PIK3R1: variants seen among roughly 807,000 people sequenced by gnomAD.
The protein encoded by PIK3R1 is phosphoinositide-3-kinase regulatory subunit 1.
PIK3R1 carries 29 observed loss-of-function variants against 98.0 expected under a neutral mutation model. The observed-to-expected ratio is 0.30, with a 90% confidence interval of 0.22 to 0.40. The LOEUF is 0.40. Ranked by LOEUF, PIK3R1 falls within the 10% of genes least tolerant of loss-of-function variation. The pLI, the probability that PIK3R1 is intolerant of heterozygous loss-of-function variation, is 1.00. For synonymous variants in PIK3R1, 282 were observed against 311.8 expected (o/e 0.90, Z 1.01); for missense variants, 596 against 872.7 (o/e 0.68, Z 3.99).
At position 68,262,561 on chromosome 5, in the gene PIK3R1, ATACACATGTACC is replaced by A. The variant is rs1391303301; in HGVS notation, c.335-10824_335-10813del. ...AGATACATATCTAATGTATACATGT[ATACACATGTACC>A]TACATGTATACACATGTATCTGCAT... On this transcript the variant is annotated intron_variant, in intron 2 of 15. Transcript: ENST00000521381. Among the ~76,000 whole-genome samples the A allele has an allele frequency of 2.4e-3, 349 of 147,856 alleles. 10 individuals are homozygous for A. The highest frequency in any genetic ancestry group is 7.2e-3 in the African/African-American group (289 of 40,344).
chr5:68,218,235 T>C (rs554166109), intron 1 of PIK3R1, among the ~76,000 whole-genome samples: 20 of 152,314 alleles, frequency 1.3e-4, no homozygotes, highest in African/African-American at 4.8e-4. Context: ...TGGTATGCGT[T>C]TATCTTTTGG....
intron 8 of PIK3R1, chr5:68,292,626 G>C (rs771997912): frequency 4.8e-5 from 68 of 1,420,162 alleles, no homozygotes; most frequent in Non-Finnish European, 5.9e-5. Flanking sequence ...TAAGAACAGA[G>C]TGTGAAGGCA....
chr5:68,252,664 C>A (rs541326785), intron 2 of PIK3R1, among the ~76,000 whole-genome samples: 53 of 152,176 alleles, frequency 3.5e-4, no homozygotes, highest in African/African-American at 1.3e-3. Flanking sequence ...TAGTAATTTT[C>A]AAGGGATTTA....
At chr5:68,278,144 C>T (rs529240886) in intron 4 of PIK3R1, among the ~76,000 whole-genome samples, 15 of 152,020 alleles carry the variant, frequency 9.9e-5, no homozygotes, top group South Asian at 4.2e-4. Flanking sequence ...GAGTGCCATG[C>T]GTAGTGAGTG....
intron 2 of PIK3R1, among the ~76,000 whole-genome samples, chr5:68,234,523 C>T (rs145506334): frequency 4.2e-4 from 64 of 152,248 alleles, no homozygotes; most frequent in Non-Finnish European, 6.5e-4. Context: ...CAGATGCATG[C>T]GGTGTATGGT....
chr5:68,238,745 G>C (rs979350295), intron 2 of PIK3R1, among the ~76,000 whole-genome samples: 2 of 152,132 alleles, frequency 1.3e-5, no homozygotes, highest in African/African-American at 4.8e-5. Flanking sequence ...AGAATTACAA[G>C]TGTTGATAAA....
chr5:68,235,435 A>C (rs930619824), intron 2 of PIK3R1, among the ~76,000 whole-genome samples: 1 of 150,156 alleles, frequency 6.7e-6, no homozygotes, highest in African/African-American at 2.5e-5. Flanking sequence ...TAAATAAATA[A>C]ATAAATAAAT....
Position 68,255,256 on chromosome 5 carries a change from G to A in PIK3R1, c.335-18134G>A, listed in dbSNP as rs141204448. On this transcript the variant is annotated intron_variant, in intron 2 of 15. Coordinates refer to ENST00000521381, the MANE Select transcript of PIK3R1 (RefSeq NM_181523.3). Reference sequence around the variant, plus strand: ...ATTTTTGTCAGATAAAGATTTTTCCGTGCCATGGATATAAGAAATAACCCA... The same window carrying A: ...ATTTTTGTCAGATAAAGATTTTTCCATGCCATGGATATAAGAAATAACCCA... Among the ~76,000 whole-genome samples the A allele has an allele frequency of 3.3e-5, 5 of 152,208 alleles. No individual in the cohort carries two copies. In the East Asian group the frequency reaches 7.7e-4, roughly 23 times the overall value.
At chr5:68,259,874 TC>T (rs1425640567) in intron 2 of PIK3R1, among the ~76,000 whole-genome samples, 1 of 152,172 alleles carries the variant, frequency 6.6e-6, no homozygotes, top group Non-Finnish European at 1.5e-5. Context: ...TGCCTTTATG[TC>T]CTCTAAACCA....
At chr5:68,240,122 G>C (rs1339459221) in intron 2 of PIK3R1, among the ~76,000 whole-genome samples, 1 of 149,666 alleles carries the variant, frequency 6.7e-6, no homozygotes, top group Non-Finnish European at 1.5e-5. Context: ...AAATGTTTAT[G>C]TATAAATATA....
chr5:68,230,334 T>C (rs1744423185), intron 2 of PIK3R1, among the ~76,000 whole-genome samples: 1 of 152,208 alleles, frequency 6.6e-6, no homozygotes, highest in African/African-American at 2.4e-5. Context: ...GGAGAGATCT[T>C]TGTGGTCCCC....
chr5:68,292,570 T>C (rs767637523), intron 8 of PIK3R1: 41 of 1,493,546 alleles, frequency 2.7e-5, no homozygotes, highest in Non-Finnish European at 3.5e-5. Context: ...GAAGTTTCAT[T>C]ATTGACAGAG....
chr5:68,281,412 T>C (rs915248494), intron 7 of PIK3R1, among the ~76,000 whole-genome samples: 1 of 152,248 alleles, frequency 6.6e-6, no homozygotes. Context: ...GAAGTGGGTA[T>C]GCTGAGAAAT....
intron 7 of PIK3R1, chr5:68,288,591 A>C: frequency 6.5e-7 from 1 of 1,535,850 alleles, no homozygotes; most frequent in Non-Finnish European, 8.7e-7. Flanking sequence ...TCCTGCGCGC[A>C]CTCTCGGCGC....
At chr5:68,279,855 C>G in intron 5 of PIK3R1, 122 bp downstream of exon 5, 1 of 883,104 alleles carries the variant, frequency 1.1e-6, no homozygotes, top group Non-Finnish European at 1.7e-6. Flanking sequence ...GTCCCTCCCC[C>G]AACAATACCA....
chr5:68,296,095 T>C, intron 14 of PIK3R1, 76 bp from the exon 15 acceptor site: 1 of 1,427,106 alleles, frequency 7.0e-7, no homozygotes, highest in Admixed American at 1.8e-5. Context: ...GACGGGGGTA[T>C]GCCTAGGGAA....
intron 7 of PIK3R1, among the ~76,000 whole-genome samples, chr5:68,281,928 C>A (rs1272191910): frequency 6.6e-6 from 1 of 152,134 alleles, no homozygotes; most frequent in Non-Finnish European, 1.5e-5. Flanking sequence ...TTACTTGCAT[C>A]TGGATGGGGC....
At chr5:68,222,940 ATT>A (rs1377420196) in intron 1 of PIK3R1, among the ~76,000 whole-genome samples, 1 of 151,918 alleles carries the variant, frequency 6.6e-6, no homozygotes, top group Non-Finnish European at 1.5e-5. Context: ...TGACAGAGAT[ATT>A]TTCTGTCCTA....
At position 68,301,018 on chromosome 5, in the gene PIK3R1, A is replaced by T. The variant is rs1561307098; in HGVS notation, c.*3417A>T. On this transcript the variant is annotated 3_prime_UTR_variant, in exon 16 of 16. Transcript: ENST00000521381. ...TTATGAACTAGTAACATGTTTGGGAAGTCCTACTGATGTTCCTTTGGAAGA... is the reference window on the plus strand; with the variant it reads ...TTATGAACTAGTAACATGTTTGGGATGTCCTACTGATGTTCCTTTGGAAGA... The T allele has an allele frequency of 4.3e-6, 1 of 232,488 alleles. No individual in the cohort carries two copies. Among genetic ancestry groups the T allele is most frequent in the Non-Finnish European group, 8.5e-6 (1 of 117,488 alleles). 14.4% of individuals were successfully genotyped at this position (232,488 alleles called of 1,614,324 possible). A position where few individuals can be genotyped will look rare whatever the true frequency, so the allele number is the denominator to read the frequency against.
Sources: gnomAD v4.1 joint callset for allele counts (sites outside exome capture counted in the v4.1 genomes callset) on GRCh38, gnomAD v4.1.1 for gene constraint, MANE v1.5 for transcripts, NCBI Gene and HGNC (gene_info 2026-07-23, HGNC 2026-07-21) for gene names.